The following PLD5 variants were observed in gnomAD, a reference collection of about 807,000 sequenced individuals.
PLD5 encodes inactive phospholipase D5.
Under a neutral mutation model 61.1 loss-of-function variants are expected in PLD5, and 36 were observed. The ratio of observed to expected loss-of-function variants is 0.59; its 90% CI spans 0.45 to 0.78. PLD5 has a LOEUF of 0.78. Ranked by LOEUF, PLD5 falls within the 30% of genes least tolerant of loss-of-function variation. The pLI is 0.00. For missense variants in PLD5, 515 were observed against 644.4 expected, an observed-to-expected ratio of 0.80 and a Z score of 2.17; for synonymous variants, 243 against 242.8, an observed-to-expected ratio of 1.00 and a Z score of -0.01.
chr1:242,152,843 A>C (rs1159621984), intron 5 of PLD5, among the ~76,000 whole-genome samples: 1 of 152,182 alleles, frequency 6.6e-6, no homozygotes, highest in Non-Finnish European at 1.5e-5. Flanking sequence ...TTATAGTGGA[A>C]TGATTTATAA....
At chr1:242,355,959 A>G (rs1414975302) in intron 1 of PLD5, among the ~76,000 whole-genome samples, 1 of 151,126 alleles carries the variant, frequency 6.6e-6, no homozygotes. Flanking sequence ...ATATGATTTC[A>G]ATCTTCTTAA....
At chr1:242,185,927 T>C (rs1667848053) in intron 5 of PLD5, among the ~76,000 whole-genome samples, 1 of 152,118 alleles carries the variant, frequency 6.6e-6, no homozygotes, top group African/African-American at 2.4e-5. Context: ...GGAGCCAGCA[T>C]CTGTCAGCAC....
Position 242,084,735 on chromosome 1 carries a change from A to ACATTTATT in PLD5, c.*5111_*5118dup, listed in dbSNP as rs771055064. ...CTAAAAATTAATGTACTCAGAATGA[A>ACATTTATT]CATTTATTGGAAAGGTTTTTTTTTT... is the stretch of plus-strand genomic sequence containing the variant. On this transcript the variant is annotated 3_prime_UTR_variant, in exon 10 of 10. Coordinates refer to ENST00000536534, the MANE Select transcript of PLD5 (RefSeq NM_001372062.1). 295 of 148,394 alleles carry ACATTTATT rather than the reference A, an allele frequency of 2.0e-3. No individual in the cohort carries two copies. Among genetic ancestry groups the ACATTTATT allele is most frequent in the Non-Finnish European group, 3.4e-3 (229 of 67,460 alleles). The allele number at this position is 148,394 out of a possible 1,614,324, so 9.2% of individuals were successfully genotyped here. A position where few individuals can be genotyped will look rare whatever the true frequency, so the allele number is the denominator to read the frequency against.
chr1:242,387,646 ATC>A (rs1662672688), intron 1 of PLD5, among the ~76,000 whole-genome samples: 1 of 55,012 alleles, frequency 1.8e-5, no homozygotes, highest in Non-Finnish European at 4.6e-5. Flanking sequence ...ATAAAATTTT[ATC>A]TATTTTATAT....
At chr1:242,096,106 C>A (rs1660202880) in intron 9 of PLD5, among the ~76,000 whole-genome samples, 1 of 150,590 alleles carries the variant, frequency 6.6e-6, no homozygotes, top group Non-Finnish European at 1.5e-5. Flanking sequence ...ATACAGGTGC[C>A]CGCCACCACA....
intron 1 of PLD5, among the ~76,000 whole-genome samples, chr1:242,433,691 A>G (rs966240378): frequency 2.6e-5 from 4 of 152,198 alleles, no homozygotes; most frequent in Non-Finnish European, 4.4e-5. Flanking sequence ...ATAAATATGT[A>G]CTATGTCCGA....
intron 2 of PLD5, among the ~76,000 whole-genome samples, chr1:242,336,372 G>A (rs1405649178): frequency 6.6e-6 from 1 of 152,100 alleles, no homozygotes; most frequent in Admixed American, 6.5e-5. Flanking sequence ...TGTGGCACTG[G>A]TCATTACGCT....
intron 4 of PLD5, among the ~76,000 whole-genome samples, chr1:242,261,305 T>G (rs11799863): frequency 0.27 from 41,367 of 152,132 alleles, 6,089 homozygotes; most frequent in Non-Finnish European, 0.34. Context: ...TCCGTAAGTA[T>G]AAAAATGAAC....
chr1:242,224,396 C>T (rs1396221761), intron 4 of PLD5, among the ~76,000 whole-genome samples: 1 of 151,848 alleles, frequency 6.6e-6, no homozygotes, highest in Non-Finnish European at 1.5e-5. Flanking sequence ...TAGAATGCCA[C>T]AATTTTATGA....
chr1:242,100,881 C>A lies in PLD5; in HGVS notation c.1240-99G>T, dbSNP rs149172961. 9.0e-5 allele frequency: 68 copies of A among 755,472 alleles called. 1 individual carries two copies. Among genetic ancestry groups the A allele is most frequent in the Non-Finnish European group, 1.4e-4 (62 of 456,582 alleles). 46.8% of individuals were successfully genotyped at this position (755,472 alleles called of 1,614,324 possible). On this transcript the variant is annotated intron_variant, in intron 8 of 9. Transcript: ENST00000536534. ...GCATTATCCAAATGTCAACAATAGA[C>A]CTCAAGTTGGGTTATGAAAGCCATA...
chr1:242,158,405 C>T (rs1196709908), intron 5 of PLD5, among the ~76,000 whole-genome samples: 1 of 152,076 alleles, frequency 6.6e-6, no homozygotes, highest in East Asian at 1.9e-4. Flanking sequence ...GGAATGGCTA[C>T]CCAGGTTTCT....
At chr1:242,176,075 GA>G (rs750880896) in intron 5 of PLD5, among the ~76,000 whole-genome samples, 2 of 152,072 alleles carry the variant, frequency 1.3e-5, no homozygotes, top group Non-Finnish European at 1.5e-5. Flanking sequence ...CATAGAATCA[GA>G]AAAAACTGCT....
intron 5 of PLD5, among the ~76,000 whole-genome samples, chr1:242,194,129 C>G (rs1045275549): frequency 2.0e-5 from 3 of 152,114 alleles, no homozygotes; most frequent in Admixed American, 2.0e-4. Context: ...CGCAAGCTCC[C>G]CTACCTGTCT....
chr1:242,216,664 TCTTTACAGCA>T (rs1670218591), intron 5 of PLD5, among the ~76,000 whole-genome samples: 1 of 152,184 alleles, frequency 6.6e-6, no homozygotes, highest in Non-Finnish European at 1.5e-5. Context: ...TACAGCACCT[TCTTTACAGCA>T]CCTTCCTCGG....
chr1:242,524,170 A>C lies in PLD5; in HGVS notation c.107T>G (p.Val36Gly), dbSNP rs1203585113. 2 of 1,534,948 alleles carry C rather than the reference A, an allele frequency of 1.3e-6. No individual in the cohort carries two copies. The highest frequency in any genetic ancestry group is 2.5e-5 in the East Asian group (1 of 40,746). ...GACGCTGCTGTAGAAGTTCGCGCCC[A>C]CTCGGGTCAGGCTTGGGGAGGGCTC... Reference protein sequence around the residue: ...PKEPSPSLTRVGANFYSSVKQ... With the variant: ...PKEPSPSLTRGGANFYSSVKQ... Residue 36 changes from valine (V) to glycine (G), a missense_variant, in exon 1 of 10, where the codon GTG becomes GGG. By Grantham distance (109) the Val-to-Gly change is moderately radical (BLOSUM62 -3). Around this residue, in one of 2 missense-constraint regions of PLD5, gnomAD observed 65 missense variants for 46.3 expected, o/e 1.40. Transcript: ENST00000536534.
chr1:242,284,291 C>T (rs1390603246), intron 3 of PLD5, among the ~76,000 whole-genome samples: 1 of 151,902 alleles, frequency 6.6e-6, no homozygotes, highest in Non-Finnish European at 1.5e-5. Flanking sequence ...GCATGTGCCA[C>T]CACGCCCAGC....
intron 1 of PLD5, among the ~76,000 whole-genome samples, chr1:242,420,029 G>A (rs750162471): frequency 2.6e-5 from 4 of 152,054 alleles, no homozygotes; most frequent in Admixed American, 1.3e-4. Context: ...AAAATTCTTC[G>A]ATAAACTTGT....
intron 1 of PLD5, among the ~76,000 whole-genome samples, chr1:242,393,226 GTATA>G: frequency 1.3e-5 from 1 of 76,586 alleles, no homozygotes; most frequent in South Asian, 4.5e-4. Flanking sequence ...ATATATATGA[GTATA>G]TATATGTGTA....
At chr1:242,280,067 C>G (rs1033561352) in intron 3 of PLD5, among the ~76,000 whole-genome samples, 1 of 151,674 alleles carries the variant, frequency 6.6e-6, no homozygotes, top group African/African-American at 2.4e-5. Flanking sequence ...TATTGTTTTA[C>G]AAATATTATC....
Sources: gnomAD v4.1 joint callset for allele counts (sites outside exome capture counted in the v4.1 genomes callset) on GRCh38, gnomAD v4.1.1 for gene constraint, gnomAD v4.1.1 regional missense constraint, MANE v1.5 for transcripts, NCBI Gene and HGNC (gene_info 2026-07-23, HGNC 2026-07-21) for gene names.